DIO2: variants seen among roughly 807,000 people sequenced by gnomAD.
The protein encoded by DIO2 is iodothyronine deiodinase 2.
Under a neutral mutation model 21.4 loss-of-function variants are expected in DIO2, and 19 were observed. That is an observed-to-expected ratio of 0.89 (90% CI 0.62 to 1.30). The LOEUF (loss-of-function observed/expected upper bound fraction) is 1.30. Among genes scored for constraint, DIO2 ranks in the 50% most tolerant of loss-of-function variants. DIO2 has a pLI of 0.00. For missense variants in DIO2, 302 were observed against 338.1 expected, an observed-to-expected ratio of 0.89 and a Z score of 0.84; for synonymous variants, 122 against 132.9, an observed-to-expected ratio of 0.92 and a Z score of 0.57.
At chr14:80,210,773 C>CT (rs1355681546) in intron 1 of DIO2, among the ~76,000 whole-genome samples, 1 of 152,170 alleles carries the variant, frequency 6.6e-6, no homozygotes, top group Non-Finnish European at 1.5e-5. Context: ...ACTTTCTTAT[C>CT]TTGTCAACTC....
At chr14:80,231,029 T>C (rs1888676217) in intron 2 of DIO2, 1 of 152,180 alleles carries the variant, frequency 6.6e-6, no homozygotes, top group Non-Finnish European at 1.5e-5. Flanking sequence ...TGAAGAAAGA[T>C]GTAGGCTGGG....
rs771964127 is a variant in DIO2 at position 80,211,245 on chromosome 14, G to GCTCAC, written c.222+1_222+5dup. 1 of 1,607,062 alleles carries GCTCAC rather than the reference G, an allele frequency of 6.2e-7. No homozygotes were observed. Among genetic ancestry groups the GCTCAC allele is most frequent in the Non-Finnish European group, 8.5e-7 (1 of 1,178,970 alleles). On this transcript the variant is annotated splice_donor_region_variant and intron_variant, in intron 1 of 1. Transcript: ENST00000438257. ...CTAGGGAGAAGCCCTTCTCAGCTCA[G>GCTCAC]CTCACCTGTTTGTAGGCATCGAGGA...
rs78691330 is a variant in DIO2, at chr14:80,203,598, A to C, written c.223-310T>G. Among the ~76,000 whole-genome samples, 4 of 152,222 alleles carry C rather than the reference A, an allele frequency of 2.6e-5. No individual in the cohort carries two copies. In the East Asian group the frequency reaches 7.7e-4, roughly 29 times the overall value. ...TAAGCCAAGGCTGTTATTCTTTACT[A>C]TCCTTATTTTGCTGTCAATTCTTAA... On this transcript the variant is annotated intron_variant, in intron 1 of 1. Transcript: ENST00000438257.
chr14:80,202,784 C>G lies in DIO2; in HGVS notation c.727G>C (p.Gly243Arg). Residue 243 changes from glycine to arginine, a missense_variant, in exon 2 of 2, where the codon GGA becomes CGA. Gly to Arg is a moderately radical substitution (Grantham distance 125, BLOSUM62 -2). Coordinates refer to ENST00000438257, the MANE Select transcript of DIO2 (RefSeq NM_013989.5). ...VQRQKIAYLG[G>R]KGPFSYNLQE... ...AGGTTGTAGGAGAAGGGGCCCTTTC[C>G]TCCCAGATAAGCAATTTTCTGTCTC... is the stretch of plus-strand genomic sequence containing the variant. 1 of 1,613,958 alleles carries G rather than the reference C, an allele frequency of 6.2e-7. No individual in the cohort carries two copies.
intron 2 of DIO2, among the ~76,000 whole-genome samples, chr14:80,222,860 C>CTTTTTTTTTT (rs200049777): frequency 7.2e-6 from 1 of 138,822 alleles, no homozygotes; most frequent in African/African-American, 2.6e-5. Flanking sequence ...TTCTTTGTTT[C>CTTTTTTTTTT]TTTTTTTTTT....
rs776814585 is a variant in DIO2 at position 80,203,004 on chromosome 14, G to A, written c.507C>T (p.Gly169=). 6.2e-7 allele frequency: 1 copy of A among 1,613,914 alleles called. No homozygotes were observed. Among genetic ancestry groups the A allele is most frequent in the South Asian group, 1.1e-5 (1 of 91,068 alleles). ...VYIDEAHPSD[G]WAIPGDSSLS... ...AAGAGGAGTCCCCCGGTATCGCCCA[G>A]CCATCTGATGGATGAGCCTCATCAA... The change falls in exon 2 of 2, where the codon GGC becomes GGT. Residue 169 remains glycine (G), a synonymous_variant. Transcript: ENST00000438257.
intron 2 of DIO2, among the ~76,000 whole-genome samples, chr14:80,228,028 C>T (rs1363583453): frequency 6.6e-6 from 1 of 152,186 alleles, no homozygotes; most frequent in African/African-American, 2.4e-5. Flanking sequence ...ATTTCCCATC[C>T]TCTGACACAC....
At chr14:80,230,209 C>T (rs953920363) in intron 2 of DIO2, among the ~76,000 whole-genome samples, 4 of 152,136 alleles carry the variant, frequency 2.6e-5, no homozygotes, top group South Asian at 2.1e-4. Context: ...ACAAACTCAG[C>T]GTCCCCAGCT....
intron 2 of DIO2, among the ~76,000 whole-genome samples, chr14:80,225,200 T>A (rs769124540): frequency 2.6e-4 from 39 of 152,176 alleles, no homozygotes; most frequent in Non-Finnish European, 3.4e-4. Context: ...AACAATACTT[T>A]GCATCCTTCA....
chr14:80,215,627 T>C (rs967981253), upstream of DIO2, among the ~76,000 whole-genome samples: 1 of 152,258 alleles, frequency 6.6e-6, no homozygotes, highest in African/African-American at 2.4e-5. Context: ...TGGCATTTCA[T>C]TTTTACTTTC....
rs919213847 is a variant in DIO2, at chr14:80,201,491, TTGTATGTA to T, written c.*1190_*1197del. ...CAGCTGAGAATATATATACATATAT[TTGTATGTA>T]TGTATGTATGTGTGTATGTACGTAT... On this transcript the variant is annotated 3_prime_UTR_variant, in exon 2 of 2. Coordinates refer to ENST00000438257, the MANE Select transcript of DIO2 (RefSeq NM_013989.5). 6.6e-6 allele frequency: 1 copy of T among 152,114 alleles called. No individual in the cohort carries two copies. The highest frequency in any genetic ancestry group is 1.5e-5 in the Non-Finnish European group (1 of 68,018). The allele number at this position is 152,114 out of a possible 1,614,324, so 9.4% of individuals were successfully genotyped here.
chr14:80,210,220 C>A (rs1888120975), intron 1 of DIO2, among the ~76,000 whole-genome samples: 1 of 152,066 alleles, frequency 6.6e-6, no homozygotes, highest in African/African-American at 2.4e-5. Flanking sequence ...GTGGAGGGGA[C>A]CTTTAGAAGT....
chr14:80,215,103 A>T (rs577733497), upstream of DIO2, among the ~76,000 whole-genome samples: 1 of 152,294 alleles, frequency 6.6e-6, no homozygotes, highest in South Asian at 2.1e-4. Context: ...CTTCTTGGTC[A>T]TGTATGTGTT....
upstream of DIO2, among the ~76,000 whole-genome samples, chr14:80,214,111 G>A (rs892575992): frequency 6.6e-6 from 1 of 152,212 alleles, no homozygotes; most frequent in Admixed American, 6.5e-5. Context: ...TGGTGGAGAT[G>A]TGAAAGCTAT....
At chr14:80,205,468 A>G in intron 1 of DIO2, 1 of 485,784 alleles carries the variant, frequency 2.1e-6, no homozygotes, top group Admixed American at 5.6e-5. Context: ...CCCATGAACA[A>G]TTATGTGGCC....
chr14:80,210,123 C>T (rs1888116199), intron 1 of DIO2, among the ~76,000 whole-genome samples: 1 of 152,124 alleles, frequency 6.6e-6, no homozygotes, highest in African/African-American at 2.4e-5. Context: ...GGCAAGGTCC[C>T]ACAACACTTT....
chr14:80,211,709 A>T, upstream of DIO2: 3 of 275,950 alleles, frequency 1.1e-5, no homozygotes, highest in Non-Finnish European at 1.9e-5. Flanking sequence ...TGTGCCCATC[A>T]ATTCATTCAA....
chr14:80,220,036 T>C (rs1888434370), intron 2 of DIO2, among the ~76,000 whole-genome samples: 1 of 106,898 alleles, frequency 9.4e-6, no homozygotes, highest in Non-Finnish European at 1.9e-5. Flanking sequence ...GTTACAATCT[T>C]GTTTTGTGTG....
chr14:80,219,717 CG>C (rs1300280760), intron 2 of DIO2, among the ~76,000 whole-genome samples: 2 of 151,906 alleles, frequency 1.3e-5, no homozygotes, highest in Admixed American at 1.3e-4. Context: ...AGAACTGAAT[CG>C]TACAGTAGAG....
Sources: allele counts gnomAD v4.1 joint callset (sites outside exome capture counted in the v4.1 genomes callset), GRCh38; gene constraint gnomAD v4.1.1; transcripts MANE v1.5; gene names NCBI Gene and HGNC (gene_info 2026-07-23, HGNC 2026-07-21).